Variants in DMD observed in about 807,000 individuals in gnomAD.
DMD encodes dystrophin, also known as mutant dystrophin.
Under a neutral mutation model 330.1 loss-of-function variants are expected in DMD, and 63 were observed. The observed-to-expected ratio is 0.19, with a 90% CI of 0.16 to 0.24. The LOEUF (loss-of-function observed/expected upper bound fraction) is 0.24. Among genes scored for constraint, DMD ranks in the 10% least tolerant of loss-of-function variants. The pLI, the probability that DMD is intolerant of heterozygous loss-of-function variation, is 1.00. For missense variants in DMD, 3,344 were observed against 2,684.1 expected, an observed-to-expected ratio of 1.25 and a Z score of -5.43; for synonymous variants, 1,223 against 959.8, an observed-to-expected ratio of 1.27 and a Z score of -5.07.
At chrX:31,549,397 A>G (rs1427343473) in intron 55 of DMD, among the ~76,000 whole-genome samples, 1 of 111,509 alleles carries the variant, frequency 9.0e-6, no homozygotes, top group Non-Finnish European at 1.9e-5. Context: ...TTTTGCTTTG[A>G]ATAGAAACCC....
In DMD at chrX:31,478,150, C is replaced by T. The variant is rs398124077; in HGVS notation, c.8893G>A (p.Asp2965Asn). The T allele has an allele frequency of 1.2e-5, 15 of 1,210,273 alleles. 1 individual carries two copies. In the South Asian group the frequency reaches 2.1e-4, roughly 17 times the overall value. Residue 2965 changes from aspartate to asparagine, a missense_variant, in exon 59 of 79, where the codon GAT becomes AAT. Coordinates refer to ENST00000357033, the MANE Select transcript of DMD (RefSeq NM_004006.3). ...TCTTGGAGAGAGTCAATGAGGAGAT[C>T]GCCCACGGGCTGCCAGGATCCCTTG... Reference protein sequence around the residue: ...VIKGSWQPVGDLLIDSLQDHL... With the variant: ...VIKGSWQPVGNLLIDSLQDHL...
At chrX:32,796,466 A>C (rs2076187435) in intron 7 of DMD, among the ~76,000 whole-genome samples, 1 of 111,485 alleles carries the variant, frequency 9.0e-6, no homozygotes, top group African/African-American at 3.3e-5. Flanking sequence ...GAAGGGTAGG[A>C]AGGGAATATA....
chrX:32,675,080 C>T (rs1041117275), intron 9 of DMD, among the ~76,000 whole-genome samples: 4 of 111,569 alleles, frequency 3.6e-5, no homozygotes, highest in South Asian at 3.7e-4. Flanking sequence ...GCTCAGTTCA[C>T]CAAATCTAGT....
chrX:33,253,211 T>C (rs995592628), intron 1 of DMD, among the ~76,000 whole-genome samples: 9 of 103,600 alleles, frequency 8.7e-5, no homozygotes, highest in Non-Finnish European at 1.7e-4. Flanking sequence ...CCACCTCCTA[T>C]TGAGAAACTA....
chrX:32,986,962 G>A (rs760833479), intron 2 of DMD, among the ~76,000 whole-genome samples: 14 of 112,139 alleles, frequency 1.2e-4, no homozygotes, highest in African/African-American at 4.5e-4. Context: ...TTTCTGAAAT[G>A]TCTAGTACTA....
chrX:31,779,681 C>T (rs1468743430), intron 50 of DMD, among the ~76,000 whole-genome samples: 2 of 51,937 alleles, frequency 3.9e-5, no homozygotes, highest in Non-Finnish European at 7.0e-5. Context: ...GATAGATACA[C>T]ACATTGTGTG....
chrX:32,446,746 G>A (rs1264488053), intron 27 of DMD, among the ~76,000 whole-genome samples: 1 of 110,504 alleles, frequency 9.0e-6, no homozygotes, highest in Non-Finnish European at 1.9e-5. Context: ...AACGGAAGAG[G>A]TAGGTTCAGA....
intron 51 of DMD, among the ~76,000 whole-genome samples, chrX:31,770,547 C>G (rs749615828): frequency 8.9e-6 from 1 of 112,007 alleles, no homozygotes; most frequent in Non-Finnish European, 1.9e-5. Flanking sequence ...TCTTTAATGC[C>G]TGGCTTAAGT....
intron 1 of DMD, among the ~76,000 whole-genome samples, chrX:33,132,549 G>A (rs1311798434): frequency 3.6e-5 from 4 of 112,489 alleles, no homozygotes; most frequent in Admixed American, 9.4e-5. Context: ...CCATATAAGC[G>A]GGTAGCAGTC....
intron 4 of DMD, among the ~76,000 whole-genome samples, chrX:32,837,569 A>T (rs7876272): frequency 0.39 from 43,069 of 110,315 alleles, 6,095 homozygotes; most frequent in South Asian, 0.57. Context: ...TGCATTCTTC[A>T]CCATAGTTTC....
intron 59 of DMD, among the ~76,000 whole-genome samples, chrX:31,477,873 T>C (rs1223312600): frequency 1.8e-5 from 2 of 111,588 alleles, no homozygotes; most frequent in Non-Finnish European, 3.8e-5. Context: ...GTCAAAGTGA[T>C]TTCTTGCCCT....
At chrX:32,077,222 C>A (rs762471193) in intron 44 of DMD, among the ~76,000 whole-genome samples, 2 of 110,753 alleles carry the variant, frequency 1.8e-5, no homozygotes, top group African/African-American at 6.6e-5. Context: ...AATCTAAGTG[C>A]TGGTTAAAGG....
chrX:32,706,969 G>A (rs190761502), intron 7 of DMD, among the ~76,000 whole-genome samples: 88 of 110,692 alleles, frequency 7.9e-4, no homozygotes, highest in African/African-American at 2.6e-3. Flanking sequence ...GTGCATGCCT[G>A]TAATCCCACC....
At chrX:32,281,440 G>T (rs1007803088) in intron 43 of DMD, among the ~76,000 whole-genome samples, 1 of 111,774 alleles carries the variant, frequency 8.9e-6, no homozygotes, top group Non-Finnish European at 1.9e-5. Flanking sequence ...ATAAATTTTA[G>T]TTCAGTCCAG....
intron 55 of DMD, among the ~76,000 whole-genome samples, chrX:31,564,149 C>T (rs1334769787): frequency 1.8e-5 from 2 of 111,295 alleles, no homozygotes; most frequent in Non-Finnish European, 3.8e-5. Flanking sequence ...TCCGAGCCCT[C>T]AGAAGGAACC....
At chrX:32,824,549 A>G (rs1161997339) in intron 4 of DMD, among the ~76,000 whole-genome samples, 1 of 111,921 alleles carries the variant, frequency 8.9e-6, no homozygotes, top group Non-Finnish European at 1.9e-5. Context: ...TGAAAAGACA[A>G]AGTTACAGAA....
intron 51 of DMD, among the ~76,000 whole-genome samples, chrX:31,773,079 CTCTG>C (rs1418751040): frequency 4.5e-5 from 5 of 111,985 alleles, no homozygotes; most frequent in African/African-American, 1.6e-4. Flanking sequence ...ATTCCCCTTA[CTCTG>C]TCTGCCTCAC....
chrX:32,640,818 A>G (rs1454876768), intron 11 of DMD, among the ~76,000 whole-genome samples: 1 of 110,775 alleles, frequency 9.0e-6, no homozygotes, highest in Non-Finnish European at 1.9e-5. Context: ...CCTATCTCTC[A>G]CCTACATAAA....
At chrX:32,125,558 G>C (rs1461531322) in intron 44 of DMD, among the ~76,000 whole-genome samples, 2 of 111,678 alleles carry the variant, frequency 1.8e-5, no homozygotes, top group African/African-American at 6.5e-5. Context: ...GAGAGTTTCA[G>C]GGCTGGAGAT....
Sources: gnomAD v4.1 joint callset for allele counts (sites outside exome capture counted in the v4.1 genomes callset) on GRCh38, gnomAD v4.1.1 for gene constraint, MANE v1.5 for transcripts, NCBI Gene and HGNC (gene_info 2026-07-23, HGNC 2026-07-21) for gene names.